CYSTM1: variants seen among roughly 807,000 people sequenced by gnomAD.
The protein encoded by CYSTM1 is cysteine-rich transmembrane module-containing protein 1.
A neutral mutation model predicts 13.1 loss-of-function variants in CYSTM1; 4 were observed. The ratio of observed to expected loss-of-function variants is 0.31; its 90% confidence interval spans 0.15 to 0.70. CYSTM1 has a LOEUF of 0.70. Among genes scored for constraint, CYSTM1 ranks in the 30% least tolerant of loss-of-function variants. The pLI, the probability that CYSTM1 is intolerant of heterozygous loss-of-function variation, is 0.72. For synonymous variants in CYSTM1, 36 were observed against 42.7 expected, an observed-to-expected ratio of 0.84 and a Z score of 0.62; for missense variants, 96 against 121.6, an observed-to-expected ratio of 0.79 and a Z score of 0.99.
At chr5:140,177,574 C>A (rs1412620598) in intron 1 of CYSTM1, among the ~76,000 whole-genome samples, 1 of 152,122 alleles carries the variant, frequency 6.6e-6, no homozygotes, top group Non-Finnish European at 1.5e-5. Flanking sequence ...AATATAGAAA[C>A]CGGTGCAGCA....
Position 140,175,899 on chromosome 5 carries a change from G to A in CYSTM1, c.-21+614G>A, listed in dbSNP as rs1763877451. On this transcript the variant is annotated intron_variant, in intron 1 of 2. Coordinates refer to ENST00000261811, the MANE Select transcript of CYSTM1 (RefSeq NM_032412.4). The surrounding 1 kb of genome is among the most constrained non-coding windows in gnomAD (Gnocchi z 4.9). The stretch of plus-strand genomic sequence containing the variant: ...GGATTGGGATCTGAGCGGACCTGTT[G>A]GAGGAAGTGAAATCTGAGCGGGGTC... 6.6e-6 allele frequency among the ~76,000 whole-genome samples: 1 copy of A among 152,190 alleles called. No homozygotes were observed. The highest frequency in any genetic ancestry group is 6.5e-5 in the Admixed American group (1 of 15,286).
chr5:140,186,044 A>G (rs1019785796), intron 1 of CYSTM1, among the ~76,000 whole-genome samples: 2 of 152,194 alleles, frequency 1.3e-5, no homozygotes, highest in African/African-American at 4.8e-5. Context: ...AACTTCCAGC[A>G]TATTCCATCT....
chr5:140,224,118 C>A (rs1016535339), intron 2 of CYSTM1, among the ~76,000 whole-genome samples: 2 of 152,154 alleles, frequency 1.3e-5, no homozygotes, highest in Non-Finnish European at 2.9e-5. Context: ...TATAGCTGGT[C>A]ATGCCTCAGA....
At chr5:140,192,206 T>C (rs1764103304) in intron 1 of CYSTM1, among the ~76,000 whole-genome samples, 1 of 152,210 alleles carries the variant, frequency 6.6e-6, no homozygotes. Flanking sequence ...CTCCTTCTAC[T>C]AGGTTTAAGC....
At chr5:140,176,062 G>C (rs1188638152) in intron 1 of CYSTM1, among the ~76,000 whole-genome samples, 1 of 152,076 alleles carries the variant, frequency 6.6e-6, no homozygotes, top group Non-Finnish European at 1.5e-5. Context: ...CTGTTTTGGG[G>C]GAAAAAAAGT....
chr5:140,197,977 C>CA (rs1272087077), intron 2 of CYSTM1, among the ~76,000 whole-genome samples: 14 of 152,002 alleles, frequency 9.2e-5, no homozygotes, highest in South Asian at 2.1e-4. Context: ...GAGATTGTAG[C>CA]AAAAAAACCC....
chr5:140,199,876 A>G (rs1764206046), intron 2 of CYSTM1, among the ~76,000 whole-genome samples: 1 of 152,226 alleles, frequency 6.6e-6, no homozygotes, highest in Admixed American at 6.5e-5. Flanking sequence ...ATGACCAGTG[A>G]TGATGAACTT....
chr5:140,175,342 G>C lies in CYSTM1; in HGVS notation c.-21+57G>C, dbSNP rs1046652819. ...TGGGACCAGGGCGGGGATCAGGCAC[G>C]GACAGGGCGCGTCCCCGGGCTCCCT... On this transcript the variant is annotated intron_variant, in intron 1 of 2. Coordinates refer to ENST00000261811, the MANE Select transcript of CYSTM1 (RefSeq NM_032412.4). This position sits in a 1 kb window ranked among gnomAD's most constrained non-coding sequence, Gnocchi z 4.9. 1 of 152,592 alleles carries C rather than the reference G, an allele frequency of 6.6e-6. No individual in the cohort carries two copies. Among genetic ancestry groups the C allele is most frequent in the Non-Finnish European group, 1.5e-5 (1 of 68,370 alleles). The allele number at this position is 152,592 out of a possible 1,614,324, so 9.5% of individuals were successfully genotyped here.
At chr5:140,177,073 A>AAAAAAACAAAAAAAAAAC (rs1447569506) in intron 1 of CYSTM1, among the ~76,000 whole-genome samples, 1 of 150,500 alleles carries the variant, frequency 6.6e-6, no homozygotes, top group African/African-American at 2.5e-5. Context: ...TGTCTCAAAA[A>AAAAAAACAAAAAAAAAAC]AAAAAAAAAA....
chr5:140,240,883 C>T (rs1220554435), intron 2 of CYSTM1, among the ~76,000 whole-genome samples: 1 of 152,148 alleles, frequency 6.6e-6, no homozygotes, highest in Non-Finnish European at 1.5e-5. Flanking sequence ...GCCCATCCTC[C>T]CAACAGCCCA....
intron 2 of CYSTM1, among the ~76,000 whole-genome samples, chr5:140,220,422 G>C (rs1206910272): frequency 2.0e-5 from 3 of 152,178 alleles, no homozygotes; most frequent in Non-Finnish European, 4.4e-5. Context: ...AATGAGGAGA[G>C]GGCGGTAATA....
chr5:140,193,694 G>A (rs1461247491), intron 1 of CYSTM1, among the ~76,000 whole-genome samples: 2 of 152,216 alleles, frequency 1.3e-5, no homozygotes, highest in Admixed American at 6.5e-5. Flanking sequence ...TGATTAACAG[G>A]CTTGGGGGCT....
intron 2 of CYSTM1, among the ~76,000 whole-genome samples, chr5:140,233,761 C>T (rs930824924): frequency 1.3e-5 from 2 of 152,122 alleles, no homozygotes; most frequent in African/African-American, 2.4e-5. Flanking sequence ...ATTTGCTCTC[C>T]GTATATCCTC....
chr5:140,225,006 C>T (rs986313313), intron 2 of CYSTM1, among the ~76,000 whole-genome samples: 35 of 152,218 alleles, frequency 2.3e-4, no homozygotes, highest in Middle Eastern at 3.4e-3. Context: ...CATAGCAAGA[C>T]CCTGTCTCTA....
At chr5:140,223,112 C>T (rs1258048051) in intron 2 of CYSTM1, among the ~76,000 whole-genome samples, 2 of 152,136 alleles carry the variant, frequency 1.3e-5, no homozygotes, top group East Asian at 3.9e-4. Flanking sequence ...AGTGTGCTGG[C>T]AGGAATTCAG....
chr5:140,227,334 T>C (rs145721995), intron 2 of CYSTM1, among the ~76,000 whole-genome samples: 282 of 152,250 alleles, frequency 1.9e-3, no homozygotes, highest in African/African-American at 6.4e-3. Context: ...AGAGGGTTAA[T>C]AGGGGCTCAG....
intron 2 of CYSTM1, among the ~76,000 whole-genome samples, chr5:140,217,821 G>A (rs1380155647): frequency 1.3e-5 from 2 of 152,170 alleles, no homozygotes; most frequent in African/African-American, 2.4e-5. Context: ...CAGGTTATTT[G>A]TCCATCCACT....
At position 140,239,153 on chromosome 5, in the gene CYSTM1, A is replaced by G. The variant is rs1223374949; in HGVS notation, c.188-4152A>G. ...AAGAAGGACCTAATAAGGCTCAATT[A>G]CCACATCAAGGCACTCGATTCATCA... On this transcript the variant is annotated intron_variant, in intron 2 of 2. Coordinates refer to ENST00000261811, the MANE Select transcript of CYSTM1 (RefSeq NM_032412.4). This position sits in a 1 kb window ranked among gnomAD's most constrained non-coding sequence, Gnocchi z 5.4. Among the ~76,000 whole-genome samples the G allele has an allele frequency of 6.6e-6, 1 of 152,188 alleles. No homozygotes were observed. Among genetic ancestry groups the G allele is most frequent in the Non-Finnish European group, 1.5e-5 (1 of 68,016 alleles).
intron 1 of CYSTM1, among the ~76,000 whole-genome samples, chr5:140,184,552 C>T (rs1763994414): frequency 1.3e-5 from 2 of 151,926 alleles, no homozygotes; most frequent in South Asian, 2.1e-4. Flanking sequence ...AGGATAGACC[C>T]GCTATAAAAA....
Sources: gnomAD v4.1 joint callset for allele counts (sites outside exome capture counted in the v4.1 genomes callset) on GRCh38, gnomAD v4.1.1 for gene constraint, Gnocchi (gnomAD v3.1) non-coding constraint, MANE v1.5 for transcripts, NCBI Gene and HGNC (gene_info 2026-07-23, HGNC 2026-07-21) for gene names.